Variants in RGS22 observed in about 807,000 individuals in gnomAD.
RGS22 encodes the protein regulator of G protein signaling 22, also known as regulator of G-protein signaling 22.
In RGS22, 148 loss-of-function variants were observed where a neutral mutation model predicts 172.9. That is an observed-to-expected ratio of 0.86 (90% CI 0.75 to 0.98). The LOEUF (loss-of-function observed/expected upper bound fraction) is 0.98. Ranked by LOEUF, RGS22 falls within the 50% of genes least tolerant of loss-of-function variation. RGS22 has a pLI of 0.00. For missense variants in RGS22, 1,347 were observed against 1,440.8 expected, an observed-to-expected ratio of 0.93 and a Z score of 1.05; for synonymous variants, 458 against 480.2, an observed-to-expected ratio of 0.95 and a Z score of 0.60.
chr8:100,100,848 T>C (rs1813415919), intron 2 of RGS22, among the ~76,000 whole-genome samples: 2 of 152,210 alleles, frequency 1.3e-5, no homozygotes, highest in African/African-American at 4.8e-5. Flanking sequence ...CTAAAGTTTA[T>C]CTTAATTTGA....
Position 100,008,424 on chromosome 8 carries a change from A to T in RGS22, c.2312T>A (p.Leu771His). ...TAEEYILLLL[L>H]EPWTKMVKSD... ...TTTTACCATCTTTGTCCATGGCTCA[A>T]GAAGGAGGAGAAGGATATATTCCTC... The change falls in exon 15 of 28, where the codon CTT (leucine) becomes CAT (histidine). Residue 771 changes from leucine to histidine, a missense_variant. Transcript: ENST00000360863. The T allele has an allele frequency of 6.2e-7, 1 of 1,613,108 alleles. No individual in the cohort carries two copies. Among genetic ancestry groups the T allele is most frequent in the Non-Finnish European group, 8.5e-7 (1 of 1,179,834 alleles).
In RGS22 at chr8:99,973,868, C is replaced by CAA. The variant is rs563552845; in HGVS notation, c.3519+4047_3519+4048dup. On this transcript the variant is annotated intron_variant, in intron 23 of 27. Transcript: ENST00000360863. ...CGGGCGACAGAGTGAGACTCCATCT[C>CAA]AAAAAAAAAAAAAACAAAAAAAACC... is the stretch of plus-strand genomic sequence containing the variant. 4.6e-4 allele frequency among the ~76,000 whole-genome samples: 43 copies of CAA among 94,394 alleles called. 1 individual carries two copies. The highest frequency in any genetic ancestry group is 1.3e-3 in the African/African-American group (34 of 26,174). 61.9% of individuals were successfully genotyped at this position (94,394 alleles called of 152,430 possible).
intron 10 of RGS22, among the ~76,000 whole-genome samples, chr8:100,049,622 T>C (rs1821072850): frequency 6.6e-6 from 1 of 152,204 alleles, no homozygotes; most frequent in Admixed American, 6.5e-5. Context: ...CAAATGTTCA[T>C]ATGTTATCAG....
At chr8:99,999,545 T>A in intron 18 of RGS22, 125 bp from the exon 19 acceptor site, 1 of 863,220 alleles carries the variant, frequency 1.2e-6, no homozygotes, top group Non-Finnish European at 1.8e-6. Context: ...TTTCATTTTC[T>A]GTATAACATC....
Position 100,040,105 on chromosome 8 carries a change from A to C in RGS22, c.1939-18T>G. On this transcript the variant is annotated intron_variant, in intron 12 of 27. Transcript: ENST00000360863. ...GTTTTAACCTAGATAACAAAACAGA[A>C]GTCTATTATCCACCCAAAAACATTG... The C allele has an allele frequency of 3.7e-6, 6 of 1,602,346 alleles. No homozygotes were observed. Among genetic ancestry groups the C allele is most frequent in the Non-Finnish European group, 5.1e-6 (6 of 1,176,144 alleles).
intron 13 of RGS22, among the ~76,000 whole-genome samples, chr8:100,039,697 A>C (rs1198461011): frequency 1.3e-5 from 2 of 152,120 alleles, no homozygotes; most frequent in Admixed American, 1.3e-4. Flanking sequence ...TTTGAGCAAA[A>C]GTAAGACTGA....
chr8:100,012,951 CAT>C (rs1816548413), intron 14 of RGS22, among the ~76,000 whole-genome samples: 1 of 147,826 alleles, frequency 6.8e-6, no homozygotes, highest in Non-Finnish European at 1.5e-5. Flanking sequence ...GAAAAGTTCT[CAT>C]ATAGAAATCA....
At chr8:100,037,545 T>G (rs1442312807) in intron 14 of RGS22, among the ~76,000 whole-genome samples, 2 of 152,066 alleles carry the variant, frequency 1.3e-5, no homozygotes, top group African/African-American at 4.8e-5. Flanking sequence ...TAACCAAAAC[T>G]GTGTGGTTTT....
At chr8:100,018,841 C>T (rs1346897235) in intron 14 of RGS22, among the ~76,000 whole-genome samples, 1 of 152,098 alleles carries the variant, frequency 6.6e-6, no homozygotes, top group South Asian at 2.1e-4. Flanking sequence ...AAGTGAATCC[C>T]CATCTCCTTT....
intron 23 of RGS22, among the ~76,000 whole-genome samples, chr8:99,975,355 T>C (rs1485305678): frequency 6.6e-6 from 1 of 152,206 alleles, no homozygotes; most frequent in African/African-American, 2.4e-5. Flanking sequence ...CTAATAATCC[T>C]TAATTAACCT....
chr8:100,024,626 T>C (rs1166680155), intron 14 of RGS22, among the ~76,000 whole-genome samples: 1 of 152,186 alleles, frequency 6.6e-6, no homozygotes, highest in Non-Finnish European at 1.5e-5. Context: ...GTTTAAGATA[T>C]TAAAGTGAAA....
chr8:100,022,342 G>A (rs1817676039), intron 14 of RGS22, among the ~76,000 whole-genome samples: 1 of 152,028 alleles, frequency 6.6e-6, no homozygotes, highest in Admixed American at 6.5e-5. Flanking sequence ...AATGCCAATA[G>A]GATAAAACAG....
chr8:100,034,174 T>A (rs958797293), intron 14 of RGS22, among the ~76,000 whole-genome samples: 1 of 152,144 alleles, frequency 6.6e-6, no homozygotes, highest in Non-Finnish European at 1.5e-5. Flanking sequence ...GAAGTGAAAT[T>A]GTCCCTGTTC....
chr8:99,993,153 A>G (rs1376674217), intron 20 of RGS22, among the ~76,000 whole-genome samples: 1 of 152,238 alleles, frequency 6.6e-6, no homozygotes, highest in East Asian at 1.9e-4. Context: ...AAATGCCCAC[A>G]AGAGAAATCA....
chr8:100,001,202 T>TTATATATATATATACATACA (rs1554611100), intron 18 of RGS22, among the ~76,000 whole-genome samples: 2 of 124,780 alleles, frequency 1.6e-5, no homozygotes, highest in Admixed American at 8.6e-5. Context: ...TCCCAATTTT[T>TTATATATATATATACATACA]TATATATATA....
chr8:100,076,330 T>A (rs1811346668), intron 4 of RGS22, among the ~76,000 whole-genome samples: 1 of 152,176 alleles, frequency 6.6e-6, no homozygotes, highest in Non-Finnish European at 1.5e-5. Context: ...TAAATAGAAT[T>A]ATCTTTTTTG....
At chr8:100,081,362 G>GTATA (rs71274952) in intron 3 of RGS22, among the ~76,000 whole-genome samples, 34,991 of 143,228 alleles carry the variant, frequency 0.24, 4,541 homozygotes, top group Middle Eastern at 0.33. Flanking sequence ...GTGCGTGTAT[G>GTATA]TATATATATA....
At chr8:100,060,032 G>A (rs927240659) in intron 9 of RGS22, among the ~76,000 whole-genome samples, 1 of 151,938 alleles carries the variant, frequency 6.6e-6, no homozygotes, top group African/African-American at 2.4e-5. Flanking sequence ...AGCCTTCTTT[G>A]ACTATAAGTT....
At chr8:100,089,227 C>CACACACAT (rs1305872925) in intron 3 of RGS22, among the ~76,000 whole-genome samples, 9 of 151,828 alleles carry the variant, frequency 5.9e-5, no homozygotes, top group Admixed American at 2.6e-4. Flanking sequence ...CACACACACA[C>CACACACAT]ACACACACGA....
Sources: allele counts gnomAD v4.1 joint callset (sites outside exome capture counted in the v4.1 genomes callset), GRCh38; gene constraint gnomAD v4.1.1; transcripts MANE v1.5; gene names NCBI Gene and HGNC (gene_info 2026-07-23, HGNC 2026-07-21).